CHAF1B: variants seen among roughly 807,000 people sequenced by gnomAD.
CHAF1B encodes CAF-1 subunit B.
In CHAF1B, 10 loss-of-function variants were observed where a neutral mutation model predicts 60.7. The ratio of observed to expected loss-of-function variants is 0.16; its 90% CI spans 0.10 to 0.28. The LOEUF is 0.28. Among genes scored for constraint, CHAF1B ranks in the 10% least tolerant of loss-of-function variants. The probability of loss-of-function intolerance (pLI) is 1.00; values close to 1 mark genes in which losing one functional copy is unlikely to be tolerated. For missense variants in CHAF1B, 558 were observed against 708.4 expected, an observed-to-expected ratio of 0.79 and a Z score of 2.41; for synonymous variants, 261 against 266.1, an observed-to-expected ratio of 0.98 and a Z score of 0.19.
chr21:36,412,855 T>C (rs2086288303), intron 11 of CHAF1B, 29 bp from the exon 12 acceptor site: 1 of 1,595,748 alleles, frequency 6.3e-7, no homozygotes, highest in Non-Finnish European at 8.5e-7. Flanking sequence ...TGGTAAGGTC[T>C]GTAACTTTTC....
At chr21:36,386,717 CTT>C (rs976266144) in intron 2 of CHAF1B, among the ~76,000 whole-genome samples, 10 of 143,992 alleles carry the variant, frequency 6.9e-5, no homozygotes, top group Admixed American at 7.0e-5. Flanking sequence ...GAGCTGCTTT[CTT>C]TTTTTTTTTT....
chr21:36,415,316 A>T lies in CHAF1B; in HGVS notation c.1515A>T (p.Leu505Phe). Residue 505 changes from leucine to phenylalanine, a missense_variant, in exon 13 of 14, where the codon TTA becomes TTT. Around this residue, in one of 2 missense-constraint regions of CHAF1B, gnomAD observed 233 missense variants for 214.9 expected, o/e 1.08. Coordinates refer to ENST00000314103, the MANE Select transcript of CHAF1B (RefSeq NM_005441.3). The stretch of plus-strand genomic sequence containing the variant: ...CAAGGAGAATAAACTTAACACCCTT[A>T]AAGACGGACACTCCACCAAGTTCTG... ...TTPRRINLTP[L>F]KTDTPPSSVP... The T allele has an allele frequency of 3.1e-6, 5 of 1,611,920 alleles. No homozygotes were observed. The highest frequency in any genetic ancestry group is 8.5e-7 in the Non-Finnish European group (1 of 1,178,190).
At chr21:36,411,391 G>A (rs1270834235) in intron 10 of CHAF1B, 72 bp from the exon 11 acceptor site, 2 of 1,582,040 alleles carry the variant, frequency 1.3e-6, no homozygotes, top group African/African-American at 2.7e-5. Flanking sequence ...TGGGATTCTA[G>A]GCGTGAGCCA....
chr21:36,389,803 G>GCGCA (rs2086071388), intron 3 of CHAF1B, among the ~76,000 whole-genome samples: 1 of 150,416 alleles, frequency 6.6e-6, no homozygotes, highest in South Asian at 2.1e-4. Context: ...GTGTGTGTGC[G>GCGCA]CGCGCACGCT....
intron 10 of CHAF1B, among the ~76,000 whole-genome samples, chr21:36,409,761 A>G (rs928956629): frequency 6.6e-6 from 1 of 150,994 alleles, no homozygotes; most frequent in Admixed American, 6.6e-5. Context: ...GCCTCCCAAA[A>G]TGCTGGGATT....
intron 7 of CHAF1B, among the ~76,000 whole-genome samples, chr21:36,401,610 CATAATATATATTTTTATATTATAT>C (rs1385215994): frequency 2.0e-4 from 25 of 126,534 alleles, no homozygotes; most frequent in South Asian, 4.8e-4. Context: ...TTATATTATA[CATAATATATATTTTTATATTATAT>C]ATAATATATA....
At position 36,402,945 on chromosome 21, in the gene CHAF1B, G is replaced by T. The variant is rs190804908; in HGVS notation, c.757+94G>T. ...GCAGCTTATCAGCTCAGTGAATGCT[G>T]ATTAGAGTGGGGGTCCCCGACTTAC... On this transcript the variant is annotated intron_variant, in intron 8 of 13. Coordinates refer to ENST00000314103, the MANE Select transcript of CHAF1B (RefSeq NM_005441.3). 7.7e-4 allele frequency: 808 copies of T among 1,054,738 alleles called. 8 individuals carry two copies. The Admixed American group carries it at 0.015, about 19-fold the overall frequency. The allele number at this position is 1,054,738 out of a possible 1,614,324, so 65.3% of individuals were successfully genotyped here.
At chr21:36,399,745 C>G (rs2086171984) in intron 7 of CHAF1B, 140 bp downstream of exon 7, 1 of 687,612 alleles carries the variant, frequency 1.5e-6, no homozygotes, top group South Asian at 1.8e-5. Context: ...TCCTTTTGGA[C>G]AGTCAAGGCT....
intron 4 of CHAF1B, among the ~76,000 whole-genome samples, chr21:36,392,623 T>C (rs1191269635): frequency 2.0e-4 from 29 of 145,852 alleles, no homozygotes; most frequent in Admixed American, 1.8e-3. Flanking sequence ...GGGCGGCTGC[T>C]GGGCGGAGGG....
chr21:36,411,678 G>A (rs1262569533), intron 11 of CHAF1B, 74 bp downstream of exon 11: 1 of 1,543,254 alleles, frequency 6.5e-7, no homozygotes, highest in Non-Finnish European at 8.8e-7. Context: ...CCGGGGTTAG[G>A]GAGCATTTCA....
intron 3 of CHAF1B, 78 bp downstream of exon 3, chr21:36,387,808 G>T: frequency 1.4e-6 from 2 of 1,425,446 alleles, no homozygotes; most frequent in Non-Finnish European, 1.9e-6. Context: ...AGTGAGATTT[G>T]AGCTGGATAT....
chr21:36,396,247 G>C (rs2086136491), intron 5 of CHAF1B, among the ~76,000 whole-genome samples: 1 of 150,520 alleles, frequency 6.6e-6, no homozygotes, highest in African/African-American at 2.4e-5. Flanking sequence ...CGATCTGCCT[G>C]CGTCGGCCTC....
rs1476318897 is a variant in CHAF1B at position 36,385,436 on chromosome 21, G to A, written c.-93G>A. ...GCGGGAGGTGACGGTGCCTCTGACT[G>A]TCCGGGTCCCTCCAGGTACGGCTTC... On this transcript the variant is annotated 5_prime_UTR_variant, in exon 1 of 14. Transcript: ENST00000314103. 6.6e-6 allele frequency: 1 copy of A among 152,094 alleles called. No individual in the cohort carries two copies. The highest frequency in any genetic ancestry group is 6.5e-5 in the Admixed American group (1 of 15,272). 9.4% of individuals were successfully genotyped at this position (152,094 alleles called of 1,614,324 possible).
At chr21:36,409,867 TTTTC>T (rs1568819230) in intron 10 of CHAF1B, among the ~76,000 whole-genome samples, 1 of 151,920 alleles carries the variant, frequency 6.6e-6, no homozygotes, top group Non-Finnish European at 1.5e-5. Context: ...TTTTTTTTTT[TTTTC>T]TTTCTTCAGG....
chr21:36,400,845 C>T (rs1009219608), intron 7 of CHAF1B, among the ~76,000 whole-genome samples: 3 of 152,130 alleles, frequency 2.0e-5, no homozygotes, highest in Non-Finnish European at 4.4e-5. Flanking sequence ...AGGCAGGCAG[C>T]GAGGTGCGGG....
intron 3 of CHAF1B, among the ~76,000 whole-genome samples, chr21:36,390,955 C>T (rs944085548): frequency 4.6e-5 from 7 of 152,222 alleles, no homozygotes; most frequent in Admixed American, 3.3e-4. Flanking sequence ...CCCACCCTGC[C>T]TATTATCCCC....
At chr21:36,397,063 C>T (rs1041453783) in intron 5 of CHAF1B, among the ~76,000 whole-genome samples, 1 of 152,204 alleles carries the variant, frequency 6.6e-6, no homozygotes, top group Non-Finnish European at 1.5e-5. Flanking sequence ...CTGACAATAC[C>T]TTCTTCCACC....
chr21:36,396,357 T>TAAAAA (rs2086138000), intron 5 of CHAF1B, among the ~76,000 whole-genome samples: 1 of 20,412 alleles, frequency 4.9e-5, no homozygotes, highest in Non-Finnish European at 8.5e-5. Flanking sequence ...ACCAAAAACC[T>TAAAAA]CAAAAAAAAA....
At position 36,403,047 on chromosome 21, in the gene CHAF1B, T is replaced by C. The variant is rs1363301960; in HGVS notation, c.757+196T>C. On this transcript the variant is annotated intron_variant, in intron 8 of 13. Coordinates refer to ENST00000314103, the MANE Select transcript of CHAF1B (RefSeq NM_005441.3). Reference sequence around the variant, plus strand: ...TCCCATCCCTAGAGATTGTAGTGTATGTAATTGGTCTGGGTGGCCTGGCTT... The same window carrying C: ...TCCCATCCCTAGAGATTGTAGTGTACGTAATTGGTCTGGGTGGCCTGGCTT... Among the ~76,000 whole-genome samples the C allele has an allele frequency of 5.3e-5, 8 of 152,170 alleles. 1 individual carries two copies.
Sources: gnomAD v4.1 joint callset for allele counts (sites outside exome capture counted in the v4.1 genomes callset) on GRCh38, gnomAD v4.1.1 for gene constraint, gnomAD v4.1.1 regional missense constraint, MANE v1.5 for transcripts, NCBI Gene and HGNC (gene_info 2026-07-23, HGNC 2026-07-21) for gene names.